Variants in DPP6 observed in about 807,000 individuals in gnomAD.
The protein encoded by DPP6 is A-type potassium channel modulatory protein DPP6.
A neutral mutation model predicts 122.6 loss-of-function variants in DPP6; 69 were observed. The observed-to-expected ratio is 0.56, with a 90% CI of 0.46 to 0.69. The LOEUF (loss-of-function observed/expected upper bound fraction) is 0.69, where lower values mean the gene tolerates loss of function less well. Among genes scored for constraint, DPP6 ranks in the 30% least tolerant of loss-of-function variants. The pLI, the probability that DPP6 is intolerant of heterozygous loss-of-function variation, is 0.00. For synonymous variants in DPP6, 418 were observed against 433.1 expected (o/e 0.97, Z 0.43); for missense variants, 928 against 1,116.9 (o/e 0.83, Z 2.41).
In DPP6 at chr7:154,821,649, CATATATATATATAT is replaced by C. The variant is rs71184039; in HGVS notation, c.1666+14539_1666+14552del. Among the ~76,000 whole-genome samples, 3 of 94,476 alleles carry C rather than the reference CATATATATATATAT, an allele frequency of 3.2e-5. No individual in the cohort carries two copies. Among genetic ancestry groups the C allele is most frequent in the African/African-American group, 1.1e-4 (3 of 27,456 alleles). 62.0% of individuals were successfully genotyped at this position (94,476 alleles called of 152,430 possible). ...TTCTGTATATATATATATATATACA[CATATATATATATAT>C]ACACATATATATATACACACACATA... On this transcript the variant is annotated intron_variant, in intron 16 of 25. Transcript: ENST00000377770. The surrounding 1 kb of genome is among the most constrained non-coding windows in gnomAD (Gnocchi z 4.2).
chr7:154,278,149 CAG>C (rs1274065791), intron 1 of DPP6, among the ~76,000 whole-genome samples: 1 of 152,164 alleles, frequency 6.6e-6, no homozygotes, highest in African/African-American at 2.4e-5. Flanking sequence ...GAGGGAGAGA[CAG>C]GGAGCGTTTT....
intron 1 of DPP6, among the ~76,000 whole-genome samples, chr7:153,955,687 C>G (rs1299941056): frequency 6.6e-6 from 1 of 152,200 alleles, no homozygotes; most frequent in Non-Finnish European, 1.5e-5. Flanking sequence ...GATCCACCCA[C>G]CTCGGCCTCC....
intron 4 of DPP6, among the ~76,000 whole-genome samples, chr7:154,555,556 T>C (rs952092008): frequency 1.3e-5 from 2 of 152,080 alleles, no homozygotes; most frequent in African/African-American, 2.4e-5. Flanking sequence ...ACATGGCACA[T>C]GTATACATAT....
At chr7:154,790,124 G>A (rs1310680743) in intron 10 of DPP6, among the ~76,000 whole-genome samples, 7 of 152,186 alleles carry the variant, frequency 4.6e-5, no homozygotes, top group African/African-American at 1.7e-4. Flanking sequence ...CTTGAACCCA[G>A]GAGGCGGAGG....
At chr7:154,514,758 C>A (rs1299976925) in intron 3 of DPP6, among the ~76,000 whole-genome samples, 1 of 152,190 alleles carries the variant, frequency 6.6e-6, no homozygotes, top group Non-Finnish European at 1.5e-5. Context: ...ATTATATAGA[C>A]AGACAACATT....
At chr7:154,667,723 A>G (rs6977336) in intron 6 of DPP6, among the ~76,000 whole-genome samples, 3,057 of 152,256 alleles carry the variant, frequency 0.02, 98 homozygotes, top group African/African-American at 0.069. Flanking sequence ...CTCCTTCTCA[A>G]AACAAAACAA....
chr7:154,495,926 A>C (rs1824693808), intron 3 of DPP6, among the ~76,000 whole-genome samples: 1 of 152,232 alleles, frequency 6.6e-6, no homozygotes, highest in African/African-American at 2.4e-5. Context: ...AGGGACTGTC[A>C]GAGCTGAGTG....
chr7:154,628,162 C>T (rs765400812), intron 5 of DPP6, among the ~76,000 whole-genome samples: 10 of 152,214 alleles, frequency 6.6e-5, no homozygotes, highest in Non-Finnish European at 1.2e-4. Context: ...CAACAAATGG[C>T]TTCCATCCTT....
chr7:154,189,277 A>G (rs925006670), intron 1 of DPP6, among the ~76,000 whole-genome samples: 3 of 152,370 alleles, frequency 2.0e-5, no homozygotes, highest in South Asian at 2.1e-4. Flanking sequence ...TTGAATTTGT[A>G]TCTTTCCACA....
At chr7:154,525,582 C>G (rs1827339148) in intron 3 of DPP6, among the ~76,000 whole-genome samples, 1 of 152,212 alleles carries the variant, frequency 6.6e-6, no homozygotes, top group South Asian at 2.1e-4. Flanking sequence ...CTGTGATTAA[C>G]ACGGAATGCT....
chr7:153,968,920 G>A lies in DPP6; in HGVS notation c.51+81186G>A, dbSNP rs561064831. Reference sequence around the variant, plus strand: ...GATGTTTTCAAGGTTCATTCATGTAGTAGCATGTCAGTACTTCATTGCTTT... The same window carrying A: ...GATGTTTTCAAGGTTCATTCATGTAATAGCATGTCAGTACTTCATTGCTTT... On this transcript the variant is annotated intron_variant, in intron 1 of 25. Coordinates refer to the DPP6 transcript ENST00000404039. The A allele has an allele frequency of 2.6e-5, 4 of 152,256 alleles. No homozygotes were observed. The South Asian group carries it at 8.3e-4, about 32-fold the overall frequency. The allele number at this position is 152,256 out of a possible 1,614,324, so 9.4% of individuals were successfully genotyped here. A position where few individuals can be genotyped will look rare whatever the true frequency, so the allele number is the denominator to read the frequency against.
chr7:154,052,841 G>A lies in DPP6; in HGVS notation c.21G>A (p.Arg7=). 3.3e-6 allele frequency: 5 copies of A among 1,535,700 alleles called. No individual in the cohort carries two copies. Among genetic ancestry groups the A allele is most frequent in the Non-Finnish European group, 4.4e-6 (5 of 1,140,992 alleles). The change falls in exon 1 of 26, where the codon AGG becomes AGA. Residue 7 remains arginine (R), a synonymous_variant. Transcript: ENST00000377770. The surrounding 1 kb of genome is among the most constrained non-coding windows in gnomAD (Gnocchi z 4.8). The part of the protein sequence containing the change: MASLYQ[R]FTGKINTSRS... ...GCCCGATGGCTTCGCTGTACCAGAG[G>A]TTCACTGGCAAGATCAACACCTCGA... is the stretch of plus-strand genomic sequence containing the variant.
chr7:154,506,557 G>T (rs1432513677), intron 3 of DPP6, among the ~76,000 whole-genome samples: 1 of 152,076 alleles, frequency 6.6e-6, no homozygotes, highest in African/African-American at 2.4e-5. Context: ...TAAAATGAGT[G>T]CTGTCTTGTT....
At chr7:153,821,916 T>C in the DPP6 span, among the ~76,000 whole-genome samples, 1 of 152,126 alleles carries the variant, frequency 6.6e-6, no homozygotes, top group African/African-American at 2.4e-5. Context: ...TGCTGGTGGC[T>C]TTTCTCCATT....
At chr7:154,085,554 C>A (rs2907731) in intron 1 of DPP6, among the ~76,000 whole-genome samples, 2 of 152,100 alleles carry the variant, frequency 1.3e-5, no homozygotes, top group African/African-American at 2.4e-5. Flanking sequence ...TTGTTGTACT[C>A]CTTGTTTTCT....
chr7:154,071,244 C>G lies in DPP6; in HGVS notation c.243+18181C>G, dbSNP rs898944391. ...GAGAAAGGGAAGCTACGTCATTTGC[C>G]TTCTGTGTGCCAGGCATTTTCTCTT... On this transcript the variant is annotated intron_variant, in intron 1 of 25. Transcript: ENST00000377770. Among the ~76,000 whole-genome samples the G allele has an allele frequency of 1.9e-4, 29 of 152,218 alleles. No homozygotes were observed. In the Middle Eastern group the frequency reaches 0.017, roughly 90 times the overall value.
At chr7:154,661,635 G>A (rs34537807) in intron 6 of DPP6, among the ~76,000 whole-genome samples, 7 of 128,446 alleles carry the variant, frequency 5.4e-5, no homozygotes, top group Admixed American at 7.8e-5. Context: ...CGTATTGGCC[G>A]TAGTATTCAT....
chr7:154,568,870 CAG>C (rs1376019732), intron 5 of DPP6, among the ~76,000 whole-genome samples: 3 of 152,036 alleles, frequency 2.0e-5, no homozygotes, highest in Admixed American at 1.3e-4. Context: ...TCTATAGAAA[CAG>C]ATATTTTAAG....
intron 6 of DPP6, among the ~76,000 whole-genome samples, chr7:154,647,115 G>C (rs1340314648): frequency 1.3e-5 from 2 of 152,166 alleles, no homozygotes; most frequent in Non-Finnish European, 2.9e-5. Context: ...TTAATCACTG[G>C]AGGAAATGAA....
Sources: allele counts gnomAD v4.1 joint callset (sites outside exome capture counted in the v4.1 genomes callset), GRCh38; gene constraint gnomAD v4.1.1; non-coding constraint Gnocchi (gnomAD v3.1); transcripts MANE v1.5; gene names NCBI Gene and HGNC (gene_info 2026-07-23, HGNC 2026-07-21).